COPB1: variants seen among roughly 807,000 people sequenced by gnomAD.
COPB1 encodes coatomer subunit beta.
A neutral mutation model predicts 108.7 loss-of-function variants in COPB1; 21 were observed. That is an observed-to-expected ratio of 0.19 (90% CI 0.14 to 0.28). The LOEUF (loss-of-function observed/expected upper bound fraction) is 0.28, where lower values mean the gene tolerates loss of function less well. Ranked by LOEUF, COPB1 falls within the 10% of genes least tolerant of loss-of-function variation. COPB1 has a pLI of 1.00. For synonymous variants in COPB1, 378 were observed against 386.8 expected, an observed-to-expected ratio of 0.98 and a Z score of 0.27; for missense variants, 919 against 1,141.3, an observed-to-expected ratio of 0.81 and a Z score of 2.81.
chr11:14,472,760 G>C (rs370353588), intron 14 of COPB1, among the ~76,000 whole-genome samples: 1 of 152,090 alleles, frequency 6.6e-6, no homozygotes, highest in South Asian at 2.1e-4. Context: ...TTATGAAGAC[G>C]GGCTTATTTC....
At chr11:14,498,019 A>G (rs1052955968) in intron 2 of COPB1, among the ~76,000 whole-genome samples, 2 of 152,226 alleles carry the variant, frequency 1.3e-5, no homozygotes, top group South Asian at 4.1e-4. Flanking sequence ...ACAGAGTAAA[A>G]GGATGGTTAT....
Position 14,462,877 on chromosome 11 carries a change from C to G in COPB1, c.2411-1546G>C, listed in dbSNP as rs569959616. Among the ~76,000 whole-genome samples the G allele has an allele frequency of 1.1e-4, 17 of 152,252 alleles. No individual in the cohort carries two copies. In the South Asian group the frequency reaches 3.3e-3, roughly 30 times the overall value. ...CTTATTTTCAAAAAATAAATCCTCA[C>G]TCATTCTTGCCTTCTCTTCTTGGTA... On this transcript the variant is annotated intron_variant, in intron 18 of 21. Transcript: ENST00000439561.
At chr11:14,498,464 G>GTTTTTTT (rs1851076817) in intron 2 of COPB1, among the ~76,000 whole-genome samples, 1 of 152,068 alleles carries the variant, frequency 6.6e-6, no homozygotes, top group Non-Finnish European at 1.5e-5. Context: ...AGTTCTTTTG[G>GTTTTTTT]TTTTACAAGC....
chr11:14,470,223 CACTA>C (rs1850369709), intron 14 of COPB1, among the ~76,000 whole-genome samples: 1 of 152,174 alleles, frequency 6.6e-6, no homozygotes, highest in Non-Finnish European at 1.5e-5. Context: ...TTTTTAATCG[CACTA>C]ACTTTTTTAA....
chr11:14,475,215 C>T (rs1850496543), intron 13 of COPB1, among the ~76,000 whole-genome samples: 1 of 152,056 alleles, frequency 6.6e-6, no homozygotes, highest in Non-Finnish European at 1.5e-5. Flanking sequence ...TGAAGTACCT[C>T]CGAATTCCAG....
intron 4 of COPB1, among the ~76,000 whole-genome samples, chr11:14,493,347 G>C (rs1850950120): frequency 6.6e-6 from 1 of 152,168 alleles, no homozygotes; most frequent in Non-Finnish European, 1.5e-5. Flanking sequence ...AACATATAAA[G>C]TGGCTTGGAG....
In COPB1 at chr11:14,498,782, T is replaced by C. The variant is rs1851083200; in HGVS notation, c.91+56A>G. ...TATAAAGGAATATGAAATATGAGTT[T>C]TTTATTTTTGTTTTTTCTTTTTTCA... On this transcript the variant is annotated intron_variant, in intron 2 of 21. Coordinates refer to ENST00000439561, the MANE Select transcript of COPB1 (RefSeq NM_001144061.2). 6 of 1,405,662 alleles carry C rather than the reference T, an allele frequency of 4.3e-6. No homozygotes were observed. The South Asian group carries it at 7.9e-5, about 19-fold the overall frequency. The allele number at this position is 1,405,662 out of a possible 1,614,324, so 87.1% of individuals were successfully genotyped here.
chr11:14,483,575 CAAG>C (rs1353164770), intron 7 of COPB1, among the ~76,000 whole-genome samples: 1 of 151,940 alleles, frequency 6.6e-6, no homozygotes, highest in Non-Finnish European at 1.5e-5. Context: ...ACACAAACAA[CAAG>C]AATATAAAGA....
chr11:14,475,093 CAAAAA>C (rs146181255), intron 13 of COPB1, among the ~76,000 whole-genome samples: 43 of 71,540 alleles, frequency 6.0e-4, no homozygotes, highest in Middle Eastern at 0.012. Flanking sequence ...GACTCTGTGT[CAAAAA>C]AAAAAAAAAA....
intron 16 of COPB1, 136 bp downstream of exon 16, chr11:14,468,545 G>T: frequency 1.3e-6 from 1 of 752,490 alleles, no homozygotes; most frequent in Non-Finnish European, 2.2e-6. Flanking sequence ...ATCAGCTTCT[G>T]AGTTTCAACT....
chr11:14,485,026 TTA>T (rs1247055459), intron 7 of COPB1, among the ~76,000 whole-genome samples: 1 of 152,192 alleles, frequency 6.6e-6, no homozygotes, highest in East Asian at 1.9e-4. Flanking sequence ...TTTTATTTTC[TTA>T]GAGACAGGGT....
chr11:14,469,748 C>G, intron 14 of COPB1, among the ~76,000 whole-genome samples, 185 bp from the exon 15 acceptor site: 1 of 152,224 alleles, frequency 6.6e-6, no homozygotes, highest in African/African-American at 2.4e-5. Context: ...CTGCCACTCT[C>G]TAAGACCTGC....
At position 14,494,223 on chromosome 11, in the gene COPB1, T is replaced by G; in HGVS notation, c.308A>C (p.Asp103Ala). 1 of 1,603,478 alleles carries G rather than the reference T, an allele frequency of 6.2e-7. No individual in the cohort carries two copies. Among genetic ancestry groups the G allele is most frequent in the Non-Finnish European group, 8.5e-7 (1 of 1,171,380 alleles). Reference sequence around the variant, plus strand: ...GATTTGGTTTACCTTTCTGTATGCATCACATACAAGGATCATCTCATGTAA... The same window carrying G: ...GATTTGGTTTACCTTTCTGTATGCAGCACATACAAGGATCATCTCATGTAA... The part of the protein sequence containing the change: ...RLLHEMILVC[D>A]AYRKDLQHPN... The change falls in exon 3 of 22, where the codon GAT (aspartate) becomes GCT (alanine). Residue 103 changes from aspartate to alanine, a missense_variant. By Grantham distance (126) the Asp-to-Ala change is moderately radical. Coordinates refer to ENST00000439561, the MANE Select transcript of COPB1 (RefSeq NM_001144061.2).
Position 14,479,948 on chromosome 11 carries a change from A to G in COPB1, c.1213-234T>C, listed in dbSNP as rs557787752. Among the ~76,000 whole-genome samples the G allele has an allele frequency of 3.3e-5, 5 of 152,228 alleles. No homozygotes were observed. In the East Asian group the frequency reaches 9.7e-4, roughly 29 times the overall value. ...CAGCCTCCCCAGGAGCTAGGACTTCAGGCATGACACTATGCCTAGCTAATA... is the reference window on the plus strand; with the variant it reads ...CAGCCTCCCCAGGAGCTAGGACTTCGGGCATGACACTATGCCTAGCTAATA... On this transcript the variant is annotated intron_variant, in intron 10 of 21. Transcript: ENST00000439561.
At chr11:14,471,025 T>G (rs1371720284) in intron 14 of COPB1, among the ~76,000 whole-genome samples, 1 of 151,806 alleles carries the variant, frequency 6.6e-6, no homozygotes, top group Non-Finnish European at 1.5e-5. Flanking sequence ...GGAGCTTTAC[T>G]TTTACACTAC....
intron 14 of COPB1, among the ~76,000 whole-genome samples, chr11:14,471,342 A>T (rs1382272576): frequency 6.6e-6 from 1 of 152,202 alleles, no homozygotes; most frequent in Non-Finnish European, 1.5e-5. Context: ...TGTTACAAGA[A>T]ACTGGCTCTT....
intron 7 of COPB1, 77 bp from the exon 8 acceptor site, chr11:14,483,228 C>CCACACACACACA (rs3217599): frequency 2.4e-5 from 12 of 503,666 alleles, no homozygotes; most frequent in East Asian, 9.7e-5. Flanking sequence ...CGCGCGCACA[C>CCACACACACACA]CACACACACA....
intron 18 of COPB1, among the ~76,000 whole-genome samples, chr11:14,463,370 C>T (rs1223691817): frequency 1.1e-4 from 17 of 152,118 alleles, no homozygotes; most frequent in Admixed American, 7.9e-4. Flanking sequence ...TAGGCTGGAG[C>T]GCAGTGGTGC....
At position 14,457,621 on chromosome 11, in the gene COPB1, A is replaced by C; in HGVS notation, c.*203T>G. The C allele has an allele frequency of 2.1e-6, 1 of 482,630 alleles. No homozygotes were observed. The highest frequency in any genetic ancestry group is 3.8e-6 in the Non-Finnish European group (1 of 263,070). 29.9% of individuals were successfully genotyped at this position (482,630 alleles called of 1,614,324 possible). A position where few individuals can be genotyped will look rare whatever the true frequency, so the allele number is the denominator to read the frequency against. On this transcript the variant is annotated 3_prime_UTR_variant, in exon 22 of 22. Coordinates refer to ENST00000439561, the MANE Select transcript of COPB1 (RefSeq NM_001144061.2). ...ATGAAACATTATATACTTTGAGGAC[A>C]GCATTCAGAACTGTTAAGACAAAAG...
Sources: gnomAD v4.1 joint callset for allele counts (sites outside exome capture counted in the v4.1 genomes callset) on GRCh38, gnomAD v4.1.1 for gene constraint, MANE v1.5 for transcripts, NCBI Gene and HGNC (gene_info 2026-07-23, HGNC 2026-07-21) for gene names.